The following TMPRSS11A variants were observed in gnomAD, a reference collection of about 807,000 sequenced individuals.
TMPRSS11A encodes transmembrane serine protease 11A, also known as transmembrane protease serine 11A.
TMPRSS11A carries 53 observed loss-of-function variants against 58.9 expected under a neutral mutation model. That is an observed-to-expected ratio of 0.90 (90% confidence interval 0.72 to 1.13). The LOEUF (loss-of-function observed/expected upper bound fraction) is 1.13, where lower values mean the gene tolerates loss of function less well. Among genes scored for constraint, TMPRSS11A ranks in the 50% most tolerant of loss-of-function variants. TMPRSS11A has a pLI of 0.00. For synonymous variants in TMPRSS11A, 167 were observed against 169.8 expected, an observed-to-expected ratio of 0.98 and a Z score of 0.13; for missense variants, 493 against 499.3, an observed-to-expected ratio of 0.99 and a Z score of 0.12.
chr4:67,919,065 T>C lies in TMPRSS11A; in HGVS notation c.860A>G (p.Asp287Gly), dbSNP rs1467720832. ...QVSSRVTFSDDIRQICLPEAS... is the reference protein window; with the variant it reads ...QVSSRVTFSDGIRQICLPEAS... ...TTCTGGCAAACAAATCTGGCGTATG[T>C]CATCCGAAAAGGTGACTCTGGAAGA... is the stretch of plus-strand genomic sequence containing the variant. Residue 287 changes from aspartate to glycine, a missense_variant, in exon 8 of 10, where the codon GAC (aspartate) becomes GGC (glycine). Asp to Gly is a moderately conservative substitution (Grantham distance 94). Coordinates refer to ENST00000508048, the MANE Select transcript of TMPRSS11A (RefSeq NM_001114387.2). The C allele has an allele frequency of 6.2e-7, 1 of 1,614,172 alleles. No individual in the cohort carries two copies. Among genetic ancestry groups the C allele is most frequent in the Non-Finnish European group, 8.5e-7 (1 of 1,180,014 alleles).
intron 5 of TMPRSS11A, among the ~76,000 whole-genome samples, chr4:67,926,114 T>C (rs1199724473): frequency 6.6e-6 from 1 of 152,212 alleles, no homozygotes; most frequent in African/African-American, 2.4e-5. Flanking sequence ...AGCAAAGTCA[T>C]CTGACACATA....
chr4:67,934,448 G>A (rs1229245980), intron 3 of TMPRSS11A, among the ~76,000 whole-genome samples: 2 of 152,158 alleles, frequency 1.3e-5, no homozygotes, highest in Non-Finnish European at 2.9e-5. Context: ...AAGTTTCAGA[G>A]AAACTTATAT....
intron 1 of TMPRSS11A, among the ~76,000 whole-genome samples, chr4:67,957,557 T>G (rs1179374540): frequency 6.6e-6 from 1 of 152,194 alleles, no homozygotes; most frequent in Non-Finnish European, 1.5e-5. Flanking sequence ...AAGAAATTTC[T>G]AAGCAGCAAA....
chr4:67,948,302 G>T (rs1721076374), intron 1 of TMPRSS11A, among the ~76,000 whole-genome samples: 1 of 151,794 alleles, frequency 6.6e-6, no homozygotes. Flanking sequence ...GGGACTAAAG[G>T]CGTCCACCAC....
At chr4:67,925,539 G>A (rs1406462564) in intron 5 of TMPRSS11A, among the ~76,000 whole-genome samples, 2 of 152,238 alleles carry the variant, frequency 1.3e-5, no homozygotes, top group East Asian at 3.9e-4. Flanking sequence ...ACTCTACAAA[G>A]TGGGAGCTTT....
chr4:67,962,069 T>A (rs1577876553), intron 1 of TMPRSS11A, among the ~76,000 whole-genome samples: 4 of 152,322 alleles, frequency 2.6e-5, no homozygotes, highest in Admixed American at 2.6e-4. Context: ...ATTTTCACAT[T>A]CAATATACTT....
At chr4:67,944,287 A>G (rs1362154444) in intron 3 of TMPRSS11A, among the ~76,000 whole-genome samples, 1 of 152,040 alleles carries the variant, frequency 6.6e-6, no homozygotes. Flanking sequence ...TTAGAAAGAG[A>G]GGCTTATTAG....
intron 1 of TMPRSS11A, 133 bp from the exon 2 acceptor site, chr4:67,946,704 A>G: frequency 1.2e-6 from 1 of 846,926 alleles, no homozygotes; most frequent in Non-Finnish European, 1.7e-6. Flanking sequence ...GTTCAATGTC[A>G]TCTTGGTCTG....
intron 1 of TMPRSS11A, among the ~76,000 whole-genome samples, chr4:67,959,555 T>C (rs1251959178): frequency 6.6e-6 from 1 of 152,176 alleles, no homozygotes; most frequent in East Asian, 1.9e-4. Flanking sequence ...CAGACACTTC[T>C]TAAAAGAAGA....
intron 1 of TMPRSS11A, among the ~76,000 whole-genome samples, chr4:67,959,717 G>A (rs1721377745): frequency 6.6e-6 from 1 of 152,196 alleles, no homozygotes; most frequent in African/African-American, 2.4e-5. Flanking sequence ...TTTATACACT[G>A]TAGGTGGGAA....
intron 7 of TMPRSS11A, among the ~76,000 whole-genome samples, chr4:67,920,550 T>TATATATATATATATATATATATA (rs374550125): frequency 1.2e-4 from 7 of 58,542 alleles, no homozygotes; most frequent in Middle Eastern, 7.1e-3. Context: ...TATATATATA[T>TATATATATATATATATATATATA]TTTTTTTTAT....
chr4:67,935,546 A>G (rs906170488), intron 3 of TMPRSS11A, among the ~76,000 whole-genome samples: 5 of 152,130 alleles, frequency 3.3e-5, no homozygotes, highest in Non-Finnish European at 7.3e-5. Flanking sequence ...CTATATATTT[A>G]TGCAAATATA....
chr4:67,954,417 T>C (rs1385412189), intron 1 of TMPRSS11A, among the ~76,000 whole-genome samples: 1 of 152,184 alleles, frequency 6.6e-6, no homozygotes, highest in South Asian at 2.1e-4. Context: ...GCCCTGTCTT[T>C]CCTCTAGCAT....
chr4:67,921,856 G>A (rs1560564647), intron 7 of TMPRSS11A, among the ~76,000 whole-genome samples: 1 of 152,022 alleles, frequency 6.6e-6, no homozygotes, highest in Non-Finnish European at 1.5e-5. Context: ...TACTCAAGAA[G>A]TCTTTGTTAT....
chr4:67,923,099 T>C (rs1383272868), intron 6 of TMPRSS11A, among the ~76,000 whole-genome samples, 173 bp from the exon 7 acceptor site: 1 of 152,200 alleles, frequency 6.6e-6, no homozygotes, highest in Non-Finnish European at 1.5e-5. Flanking sequence ...GGGTTCACTT[T>C]CTTACTGTGT....
intron 3 of TMPRSS11A, among the ~76,000 whole-genome samples, chr4:67,943,791 T>C (rs1020617099): frequency 4.6e-5 from 7 of 152,126 alleles, no homozygotes; most frequent in African/African-American, 1.7e-4. Context: ...AAATGGTAGA[T>C]GATTTGGGAA....
In TMPRSS11A at chr4:67,946,588, C is replaced by T. The variant is rs1721018679; in HGVS notation, c.12-17G>A. The T allele has an allele frequency of 6.2e-7, 1 of 1,602,504 alleles. No homozygotes were observed. The highest frequency in any genetic ancestry group is 1.3e-5 in the African/African-American group (1 of 74,280). ...CCCACTGTCCTGAGAAAAGGAAGGG[C>T]CCACTGGTTACTCTCAGATAGCAAT... On this transcript the variant is annotated splice_polypyrimidine_tract_variant and intron_variant, in intron 1 of 9. Coordinates refer to ENST00000508048, the MANE Select transcript of TMPRSS11A (RefSeq NM_001114387.2).
At chr4:67,931,911 C>A in intron 4 of TMPRSS11A, 82 bp downstream of exon 4, 3 of 821,214 alleles carry the variant, frequency 3.7e-6, no homozygotes, top group South Asian at 1.5e-5. Flanking sequence ...TCCATGGAGA[C>A]ATACAATACA....
intron 7 of TMPRSS11A, among the ~76,000 whole-genome samples, chr4:67,921,702 T>C (rs2109740029): frequency 6.6e-6 from 1 of 152,306 alleles, no homozygotes; most frequent in Middle Eastern, 3.4e-3. Flanking sequence ...TAACAAAAGT[T>C]AGAATTTTAT....
Sources: gnomAD v4.1 joint callset for allele counts (sites outside exome capture counted in the v4.1 genomes callset) on GRCh38, gnomAD v4.1.1 for gene constraint, MANE v1.5 for transcripts, NCBI Gene and HGNC (gene_info 2026-07-23, HGNC 2026-07-21) for gene names.